Variants in NEK1 observed in about 807,000 individuals in gnomAD.
The protein encoded by NEK1 is serine/threonine-protein kinase Nek1.
A neutral mutation model predicts 182.1 loss-of-function variants in NEK1; 137 were observed. That is an observed-to-expected ratio of 0.75 (90% confidence interval 0.65 to 0.87). The LOEUF (loss-of-function observed/expected upper bound fraction) is 0.87. Ranked by LOEUF, NEK1 falls within the 40% of genes least tolerant of loss-of-function variation. NEK1 has a pLI of 0.00. For missense variants in NEK1, 1,391 were observed against 1,494.4 expected (o/e 0.93, Z 1.14); for synonymous variants, 513 against 492.2 (o/e 1.04, Z -0.56).
intron 23 of NEK1, among the ~76,000 whole-genome samples, chr4:169,505,081 G>A (rs910719356): frequency 1.3e-4 from 20 of 151,812 alleles, no homozygotes; most frequent in African/African-American, 3.6e-4. Flanking sequence ...GGGAAACAGC[G>A]TAAGAAAAAG....
At chr4:169,537,296 T>C (rs1758665328) in intron 19 of NEK1, among the ~76,000 whole-genome samples, 1 of 152,226 alleles carries the variant, frequency 6.6e-6, no homozygotes, top group Non-Finnish European at 1.5e-5. Context: ...TTTTCTTGGA[T>C]ACATAACTTA....
intron 21 of NEK1, 126 bp from the exon 22 acceptor site, chr4:169,507,918 T>C (rs770262831): frequency 1.3e-6 from 1 of 754,160 alleles, no homozygotes; most frequent in South Asian, 1.9e-5. Flanking sequence ...TTTAATGCTG[T>C]TAGTTTTCTC....
chr4:169,514,395 G>A (rs146901996), intron 19 of NEK1, among the ~76,000 whole-genome samples: 8 of 152,256 alleles, frequency 5.3e-5, no homozygotes, highest in African/African-American at 1.7e-4. Flanking sequence ...GAGTTGATTA[G>A]TATTCACTCC....
chr4:169,578,711 T>C (rs1394463476), intron 11 of NEK1, among the ~76,000 whole-genome samples: 1 of 152,176 alleles, frequency 6.6e-6, no homozygotes, highest in African/African-American at 2.4e-5. Context: ...AATAAATATC[T>C]ATTTTGCATA....
At chr4:169,456,037 A>C (rs1053045736) in intron 27 of NEK1, among the ~76,000 whole-genome samples, 3 of 152,236 alleles carry the variant, frequency 2.0e-5, no homozygotes, top group Non-Finnish European at 4.4e-5. Context: ...AATGGAAGAA[A>C]ACTAGACATC....
At chr4:169,397,002 GGGAGGACAGCTTCAGGCCA>G (rs1561112866) in intron 35 of NEK1, among the ~76,000 whole-genome samples, 1 of 152,132 alleles carries the variant, frequency 6.6e-6, no homozygotes, top group Non-Finnish European at 1.5e-5. Context: ...AAGCTGAGGT[GGGAGGACAGCTTCAGGCCA>G]GGAGTTTGAG....
intron 29 of NEK1, among the ~76,000 whole-genome samples, chr4:169,429,226 AAC>A (rs1207816221): frequency 2.0e-5 from 3 of 152,220 alleles, no homozygotes; most frequent in African/African-American, 7.2e-5. Flanking sequence ...TGTATACAGA[AAC>A]ACAGCAGTAT....
chr4:169,429,470 TC>T (rs1325212466), intron 29 of NEK1, among the ~76,000 whole-genome samples: 1 of 152,160 alleles, frequency 6.6e-6, no homozygotes, highest in Non-Finnish European at 1.5e-5. Flanking sequence ...GTATTTGCAG[TC>T]CATCAAAGAA....
intron 23 of NEK1, among the ~76,000 whole-genome samples, chr4:169,484,832 G>C (rs1276393740): frequency 6.6e-6 from 1 of 152,150 alleles, no homozygotes; most frequent in Non-Finnish European, 1.5e-5. Context: ...CTCTAAAATA[G>C]AAATGCTGTA....
In NEK1 at chr4:169,527,571, A is replaced by G. The variant is rs748402568; in HGVS notation, c.1665+10238T>C. Among the ~76,000 whole-genome samples the G allele has an allele frequency of 2.2e-4, 33 of 152,172 alleles. 1 individual carries two copies. Among genetic ancestry groups the G allele is most frequent in the Non-Finnish European group, 4.4e-4 (30 of 67,998 alleles). On this transcript the variant is annotated intron_variant, in intron 19 of 35. Coordinates refer to ENST00000507142, the MANE Select transcript of NEK1 (RefSeq NM_001199397.3). ...GAAAGATTTCTATGTTCCAACTGAA[A>G]TAGTACAATATTGTTTATAAACAGA...
At chr4:169,553,595 T>C (rs1349108077) in intron 18 of NEK1, among the ~76,000 whole-genome samples, 1 of 152,100 alleles carries the variant, frequency 6.6e-6, no homozygotes, top group African/African-American at 2.4e-5. Context: ...AAAGAAAATA[T>C]CTGCCAAAGA....
At chr4:169,487,343 G>A (rs1749215663) in intron 23 of NEK1, among the ~76,000 whole-genome samples, 1 of 152,102 alleles carries the variant, frequency 6.6e-6, no homozygotes, top group Non-Finnish European at 1.5e-5. Flanking sequence ...GCCCCAATGT[G>A]TGTTGTTCCC....
intron 27 of NEK1, among the ~76,000 whole-genome samples, chr4:169,440,923 C>T (rs1325309222): frequency 6.6e-6 from 1 of 152,202 alleles, no homozygotes; most frequent in Non-Finnish European, 1.5e-5. Context: ...TTTGAGAACC[C>T]AATCCCTACC....
intron 19 of NEK1, among the ~76,000 whole-genome samples, chr4:169,536,974 A>T (rs1461362665): frequency 6.6e-6 from 1 of 152,226 alleles, no homozygotes; most frequent in Non-Finnish European, 1.5e-5. Flanking sequence ...ACATTGTTTC[A>T]AAGAAAAAAC....
intron 11 of NEK1, among the ~76,000 whole-genome samples, chr4:169,579,876 T>C (rs1766325698): frequency 2.0e-5 from 3 of 152,126 alleles, no homozygotes; most frequent in African/African-American, 7.2e-5. Context: ...CTCATTTTTA[T>C]GATACATATT....
intron 31 of NEK1, among the ~76,000 whole-genome samples, chr4:169,415,302 T>G (rs1734355272): frequency 6.6e-6 from 1 of 152,238 alleles, no homozygotes; most frequent in Admixed American, 6.5e-5. Flanking sequence ...AATCATCTAC[T>G]GTATTTACAG....
chr4:169,591,978 T>C (rs1243919536), intron 5 of NEK1, among the ~76,000 whole-genome samples: 1 of 151,370 alleles, frequency 6.6e-6, no homozygotes, highest in Non-Finnish European at 1.5e-5. Flanking sequence ...GAGATGCAAA[T>C]GACGGGGCGA....
chr4:169,597,378 C>A (rs1045229040), intron 5 of NEK1, among the ~76,000 whole-genome samples: 3 of 152,016 alleles, frequency 2.0e-5, no homozygotes, highest in Admixed American at 1.3e-4. Flanking sequence ...CTTTGAGAGG[C>A]CAAGGTAGGA....
chr4:169,561,875 C>T lies in NEK1; in HGVS notation c.1097G>A (p.Arg366Lys). The part of the protein sequence containing the change: ...RKISEEAARK[R>K]RLEFIEKEKK... ...TTCTTTTTCAATAAATTCCAGCCTT[C>T]TCTTTCTTGCTGCTTCCTTAAATAA... Residue 366 changes from arginine (R) to lysine (K), a missense_variant, in exon 14 of 36, where the codon AGA becomes AAA. This residue lies in a region of NEK1 where 1,216 missense variants were observed against 1,277.6 expected (regional missense o/e 0.95). Transcript: ENST00000507142. 6 of 1,606,254 alleles carry T rather than the reference C, an allele frequency of 3.7e-6. No homozygotes were observed. Among genetic ancestry groups the T allele is most frequent in the Non-Finnish European group, 5.1e-6 (6 of 1,177,236 alleles).
Sources: allele counts gnomAD v4.1 joint callset (sites outside exome capture counted in the v4.1 genomes callset), GRCh38; gene constraint gnomAD v4.1.1; regional missense constraint gnomAD v4.1.1; transcripts MANE v1.5; gene names NCBI Gene and HGNC (gene_info 2026-07-23, HGNC 2026-07-21).